TACR3: variants seen among roughly 807,000 people sequenced by gnomAD.
TACR3 encodes the protein tachykinin receptor 3, also known as neuromedin-K receptor.
In TACR3, 34 loss-of-function variants were observed where a neutral mutation model predicts 35.0. The ratio of observed to expected loss-of-function variants is 0.97; its 90% CI spans 0.74 to 1.30. The LOEUF is 1.30. Among genes scored for constraint, TACR3 ranks in the 50% most tolerant of loss-of-function variants. The pLI, the probability that TACR3 is intolerant of heterozygous loss-of-function variation, is 0.00. For missense variants in TACR3, 558 were observed against 591.7 expected (o/e 0.94, Z 0.59); for synonymous variants, 233 against 221.1 (o/e 1.05, Z -0.48).
intron 1 of TACR3, among the ~76,000 whole-genome samples, chr4:103,699,911 T>C (rs1225623211): frequency 6.6e-6 from 1 of 152,196 alleles, no homozygotes; most frequent in Non-Finnish European, 1.5e-5. Flanking sequence ...TTTAAAACTC[T>C]GGATTACTGA....
At chr4:103,652,407 G>A (rs1725641304) in intron 3 of TACR3, among the ~76,000 whole-genome samples, 1 of 152,062 alleles carries the variant, frequency 6.6e-6, no homozygotes, top group Admixed American at 6.6e-5. Context: ...TCTCTCCCAA[G>A]GGCAAAGATT....
intron 3 of TACR3, among the ~76,000 whole-genome samples, chr4:103,625,950 T>A (rs557016463): frequency 1.3e-5 from 2 of 152,236 alleles, no homozygotes; most frequent in South Asian, 2.1e-4. Flanking sequence ...GAAGGCCACA[T>A]GAAGATCCCA....
intron 1 of TACR3, among the ~76,000 whole-genome samples, chr4:103,677,990 TC>T (rs1726208839): frequency 6.6e-6 from 1 of 152,114 alleles, no homozygotes; most frequent in South Asian, 2.1e-4. Context: ...TTGGATATTG[TC>T]CCTAGCTTTT....
At chr4:103,704,346 C>T (rs1341488030) in intron 1 of TACR3, among the ~76,000 whole-genome samples, 5 of 152,040 alleles carry the variant, frequency 3.3e-5, no homozygotes. Context: ...TGGTCATACT[C>T]TTTATGGAAG....
Position 103,598,451 on chromosome 4 carries a change from A to C in TACR3, c.889-6768T>G, listed in dbSNP as rs565819314. ...TTCTTTTGCTGTGCAGAAGCTCTTT[A>C]GATTACTTAGATCCCATTTGTCAAT... On this transcript the variant is annotated intron_variant, in intron 3 of 4. Transcript: ENST00000304883. Among the ~76,000 whole-genome samples the C allele has an allele frequency of 5.9e-5, 9 of 152,270 alleles. No individual in the cohort carries two copies. The East Asian group carries it at 1.7e-3, about 29-fold the overall frequency.
chr4:103,653,949 C>T (rs1411250138), intron 3 of TACR3, among the ~76,000 whole-genome samples: 5 of 151,624 alleles, frequency 3.3e-5, no homozygotes, highest in African/African-American at 9.7e-5. Context: ...TGAAAAAATG[C>T]TCATCATCAC....
At chr4:103,632,031 T>C (rs985289046) in intron 3 of TACR3, among the ~76,000 whole-genome samples, 20 of 152,148 alleles carry the variant, frequency 1.3e-4, no homozygotes, top group African/African-American at 4.8e-4. Context: ...ACATGGTTAT[T>C]ACATAATGTT....
At chr4:103,620,510 A>AT (rs1560809798) in intron 3 of TACR3, among the ~76,000 whole-genome samples, 3 of 152,248 alleles carry the variant, frequency 2.0e-5, no homozygotes, top group African/African-American at 7.2e-5. Flanking sequence ...GTACCCATTA[A>AT]TGATAGAGTA....
chr4:103,704,900 T>C lies in TACR3; in HGVS notation c.548+14228A>G, dbSNP rs115479991. ...GAAATTTAAATATTCATGTTAACGT[T>C]ACCATATTTATACACAAGGGCATGG... is the stretch of plus-strand genomic sequence containing the variant. On this transcript the variant is annotated intron_variant, in intron 1 of 4. Transcript: ENST00000304883. 4.8e-3 allele frequency among the ~76,000 whole-genome samples: 738 copies of C among 152,322 alleles called. 5 individuals carry two copies. The highest frequency in any genetic ancestry group is 0.017 in the African/African-American group (713 of 41,580).
Position 103,587,701 on chromosome 4 carries a change from T to C in TACR3, c.*1981A>G, listed in dbSNP as rs935237844. The C allele has an allele frequency of 2.0e-5, 3 of 152,102 alleles. No homozygotes were observed. Among genetic ancestry groups the C allele is most frequent in the Non-Finnish European group, 4.4e-5 (3 of 67,990 alleles). The allele number at this position is 152,102 out of a possible 1,614,324, so 9.4% of individuals were successfully genotyped here. A position where few individuals can be genotyped will look rare whatever the true frequency, so the allele number is the denominator to read the frequency against. ...ATGCTAGTACCATATCATTCATAAA[T>C]TTAAGAAAATAATAACTTTTTACAT... On this transcript the variant is annotated 3_prime_UTR_variant, in exon 5 of 5. Transcript: ENST00000304883.
At chr4:103,603,836 T>A (rs950184228) in intron 3 of TACR3, among the ~76,000 whole-genome samples, 1 of 152,034 alleles carries the variant, frequency 6.6e-6, no homozygotes, top group African/African-American at 2.4e-5. Flanking sequence ...CAGCAACTGT[T>A]GTTTCCTGAC....
At chr4:103,610,710 A>G (rs753105913) in intron 3 of TACR3, among the ~76,000 whole-genome samples, 24 of 152,108 alleles carry the variant, frequency 1.6e-4, no homozygotes, top group Non-Finnish European at 2.5e-4. Flanking sequence ...GTCCAGATCA[A>G]TGTCATAAAG....
At chr4:103,602,567 A>T (rs939363712) in intron 3 of TACR3, among the ~76,000 whole-genome samples, 2 of 150,584 alleles carry the variant, frequency 1.3e-5, no homozygotes, top group Non-Finnish European at 3.0e-5. Flanking sequence ...TGGGTTTTTG[A>T]TGTGGATGTC....
chr4:103,620,905 G>T (rs199991161), intron 3 of TACR3, among the ~76,000 whole-genome samples: 1 of 98,782 alleles, frequency 1.0e-5, no homozygotes, highest in East Asian at 2.4e-4. Flanking sequence ...AAAAAATAAA[G>T]ATTCCAAGGA....
intron 3 of TACR3, among the ~76,000 whole-genome samples, chr4:103,613,333 TG>T (rs1248362208): frequency 6.6e-6 from 1 of 152,198 alleles, no homozygotes; most frequent in Non-Finnish European, 1.5e-5. Context: ...CATAAGGTTG[TG>T]TGAAAATTAT....
intron 3 of TACR3, among the ~76,000 whole-genome samples, chr4:103,637,856 A>G (rs2110317028): frequency 6.6e-6 from 1 of 152,266 alleles, no homozygotes; most frequent in South Asian, 2.1e-4. Context: ...AAAGAGAATA[A>G]AAAACCTAGG....
intron 3 of TACR3, among the ~76,000 whole-genome samples, chr4:103,637,612 T>C (rs539999163): frequency 3.3e-5 from 5 of 152,210 alleles, no homozygotes; most frequent in African/African-American, 1.2e-4. Context: ...GAGAAGGAAA[T>C]AAAGGGTATT....
chr4:103,592,486 T>C (rs751491365), intron 3 of TACR3, among the ~76,000 whole-genome samples: 6 of 152,184 alleles, frequency 3.9e-5, no homozygotes, highest in Non-Finnish European at 8.8e-5. Flanking sequence ...GAAGACAGAA[T>C]GTCTTAATTA....
At chr4:103,596,286 A>C (rs1203082055) in intron 3 of TACR3, among the ~76,000 whole-genome samples, 4 of 152,038 alleles carry the variant, frequency 2.6e-5, no homozygotes, top group African/African-American at 9.7e-5. Flanking sequence ...TGGCTGGGTC[A>C]AATGGTATTT....
Sources: gnomAD v4.1 joint callset for allele counts (sites outside exome capture counted in the v4.1 genomes callset) on GRCh38, gnomAD v4.1.1 for gene constraint, MANE v1.5 for transcripts, NCBI Gene and HGNC (gene_info 2026-07-23, HGNC 2026-07-21) for gene names.